Variants in OR9Q1 observed in about 807,000 individuals in gnomAD.
OR9Q1 encodes olfactory receptor 9Q1.
For synonymous variants in OR9Q1, 153 were observed against 148.6 expected (o/e 1.03, Z -0.22); for missense variants, 374 against 378.8 (o/e 0.99, Z 0.11).
chr11:58,179,261 A>G (rs951670228), intron 2 of OR9Q1, among the ~76,000 whole-genome samples, 170 bp from the exon 3 acceptor site: 5 of 151,990 alleles, frequency 3.3e-5, no homozygotes, highest in Admixed American at 6.6e-5. Flanking sequence ...CCTGGGCTCA[A>G]GTGATCCCAC....
At chr11:58,070,548 C>T (rs1429000306) in intron 2 of OR9Q1, among the ~76,000 whole-genome samples, 1 of 152,148 alleles carries the variant, frequency 6.6e-6, no homozygotes, top group South Asian at 2.1e-4. Flanking sequence ...GTTGGTTTCC[C>T]GCAGGCTCCT....
At position 58,172,884 on chromosome 11, in the gene OR9Q1, C is replaced by A. The variant is rs1854568233; in HGVS notation, c.-14-6547C>A. ...TTAAATTATTAGTGACTGTAGTCACCCTGTTGTGCTATCACATACTAGGTC... is the reference window on the plus strand; with the variant it reads ...TTAAATTATTAGTGACTGTAGTCACACTGTTGTGCTATCACATACTAGGTC... On this transcript the variant is annotated intron_variant, in intron 2 of 2. Coordinates refer to ENST00000335397, the MANE Select transcript of OR9Q1 (RefSeq NM_001005212.4). Among the ~76,000 whole-genome samples, 3 of 151,784 alleles carry A rather than the reference C, an allele frequency of 2.0e-5. No homozygotes were observed. In the South Asian group the frequency reaches 6.2e-4, roughly 32 times the overall value.
intron 2 of OR9Q1, among the ~76,000 whole-genome samples, chr11:58,096,810 TCTC>T (rs950989549): frequency 9.3e-5 from 14 of 151,346 alleles, no homozygotes; most frequent in Non-Finnish European, 1.5e-4. Context: ...TTCAAGCAAT[TCTC>T]CTGCCTCAGC....
intron 2 of OR9Q1, among the ~76,000 whole-genome samples, chr11:58,161,100 C>T (rs371952805): frequency 1.3e-4 from 9 of 70,024 alleles, no homozygotes; most frequent in Admixed American, 7.3e-4. Context: ...TGTCTGGGGT[C>T]GGGGGCTGGG....
At chr11:58,109,076 C>T (rs1273732356) in intron 2 of OR9Q1, 5 of 476,278 alleles carry the variant, frequency 1.0e-5, no homozygotes, top group Non-Finnish European at 2.1e-5. Context: ...ATGACAATCT[C>T]AGTTTGTGTC....
chr11:58,033,274 A>T (rs1853061816), intron 1 of OR9Q1, among the ~76,000 whole-genome samples: 1 of 152,072 alleles, frequency 6.6e-6, no homozygotes, highest in Non-Finnish European at 1.5e-5. Flanking sequence ...AAAGTAAAAT[A>T]ATCGTTCTAT....
intron 2 of OR9Q1, 76 bp downstream of exon 2, chr11:58,056,023 A>G (rs943512945): frequency 6.6e-6 from 1 of 152,174 alleles, no homozygotes; most frequent in Non-Finnish European, 1.5e-5. Flanking sequence ...ATGGACTAAG[A>G]CAACCTTCTT....
chr11:58,048,087 TA>T (rs1298296785), intron 1 of OR9Q1, among the ~76,000 whole-genome samples: 49 of 152,206 alleles, frequency 3.2e-4, no homozygotes, highest in Non-Finnish European at 5.9e-4. Flanking sequence ...AGATCTTGCC[TA>T]AGACTGCTTC....
intron 2 of OR9Q1, among the ~76,000 whole-genome samples, chr11:58,157,246 C>G (rs1448442316): frequency 6.6e-6 from 1 of 152,140 alleles, no homozygotes; most frequent in Non-Finnish European, 1.5e-5. Context: ...CTACCAGGGT[C>G]GCTCCTACTG....
At chr11:58,168,064 G>T (rs138641779) in intron 2 of OR9Q1, among the ~76,000 whole-genome samples, 1 of 152,288 alleles carries the variant, frequency 6.6e-6, no homozygotes, top group East Asian at 1.9e-4. Flanking sequence ...CTCCTTGAGA[G>T]TTTTATTGGA....
At position 58,088,400 on chromosome 11, in the gene OR9Q1, G is replaced by A. The variant is rs139235170; in HGVS notation, c.-15+32453G>A. 8.5e-3 allele frequency among the ~76,000 whole-genome samples: 1,287 copies of A among 152,008 alleles called. 47 individuals are homozygous for A. Among genetic ancestry groups the A allele is most frequent in the African/African-American group, 0.029 (1,208 of 41,288 alleles). ...TAGATCCTTGAGGAATTGCCACACT[G>A]TCTTCCATAATAGGTGAACTAATTT... On this transcript the variant is annotated intron_variant, in intron 2 of 2. Coordinates refer to ENST00000335397, the MANE Select transcript of OR9Q1 (RefSeq NM_001005212.4).
intron 1 of OR9Q1, among the ~76,000 whole-genome samples, chr11:58,039,846 G>C (rs990752979): frequency 1.3e-5 from 2 of 152,178 alleles, no homozygotes; most frequent in Non-Finnish European, 1.5e-5. Flanking sequence ...AAAACTTTCA[G>C]TTATTTGGCA....
chr11:58,092,240 C>T (rs762588319), intron 2 of OR9Q1, among the ~76,000 whole-genome samples: 27 of 151,702 alleles, frequency 1.8e-4, no homozygotes, highest in Non-Finnish European at 2.9e-4. Context: ...TTCATAGTGT[C>T]GTATATTTTT....
At chr11:58,147,399 G>T (rs1854309070) in intron 2 of OR9Q1, among the ~76,000 whole-genome samples, 1 of 152,128 alleles carries the variant, frequency 6.6e-6, no homozygotes, top group African/African-American at 2.4e-5. Context: ...GCCAGACTGT[G>T]TTTATGAGCT....
chr11:58,117,457 T>C (rs17152376), intron 2 of OR9Q1: 1 of 152,186 alleles, frequency 6.6e-6, no homozygotes, highest in Middle Eastern at 3.4e-3. Flanking sequence ...GCCATAGAGT[T>C]GCCAGAAGGC....
intron 2 of OR9Q1, among the ~76,000 whole-genome samples, chr11:58,083,657 A>G (rs1379629685): frequency 6.6e-6 from 1 of 150,378 alleles, no homozygotes; most frequent in Non-Finnish European, 1.5e-5. Context: ...GTAAGGGTCC[A>G]GTTTCATTCT....
At chr11:58,143,591 C>A (rs1854271214) in intron 2 of OR9Q1, among the ~76,000 whole-genome samples, 1 of 152,096 alleles carries the variant, frequency 6.6e-6, no homozygotes, top group Admixed American at 6.6e-5. Flanking sequence ...ATATGTGTTT[C>A]ATGCAGGAAC....
intron 2 of OR9Q1, among the ~76,000 whole-genome samples, chr11:58,101,397 A>T (rs1248987642): frequency 3.9e-5 from 6 of 152,074 alleles, no homozygotes; most frequent in African/African-American, 1.4e-4. Flanking sequence ...AGTGATGAAC[A>T]TTGTTTCATA....
intron 1 of OR9Q1, among the ~76,000 whole-genome samples, chr11:58,030,354 C>G (rs1436083054): frequency 6.6e-6 from 1 of 152,112 alleles, no homozygotes; most frequent in African/African-American, 2.4e-5. Context: ...GTATCTTATT[C>G]CAGGAGATGT....
Sources: allele counts gnomAD v4.1 joint callset (sites outside exome capture counted in the v4.1 genomes callset), GRCh38; gene constraint gnomAD v4.1.1; transcripts MANE v1.5; gene names NCBI Gene and HGNC (gene_info 2026-07-23, HGNC 2026-07-21).